Variants in LHPP observed in about 807,000 individuals in gnomAD.
LHPP encodes the protein phospholysine phosphohistidine inorganic pyrophosphate phosphatase.
A neutral mutation model predicts 30.3 loss-of-function variants in LHPP; 24 were observed. That is an observed-to-expected ratio of 0.79 (90% CI 0.57 to 1.11). LHPP has a LOEUF of 1.11. Among genes scored for constraint, LHPP ranks in the 50% most tolerant of loss-of-function variants. The pLI, the probability that LHPP is intolerant of heterozygous loss-of-function variation, is 0.00. For missense variants in LHPP, 356 were observed against 367.2 expected (o/e 0.97, Z 0.25); for synonymous variants, 150 against 157.1 (o/e 0.95, Z 0.34).
chr10:124,606,158 CCGCAGGCGCCT>C (rs1949089927), intron 6 of LHPP, among the ~76,000 whole-genome samples: 1 of 152,180 alleles, frequency 6.6e-6, no homozygotes, highest in African/African-American at 2.4e-5. Context: ...CGCAGCCGCC[CCGCAGGCGCCT>C]GGGGAAATCA....
At chr10:124,524,500 CTCCTGACCTCAAAT>C (rs1954684672) in intron 6 of LHPP, among the ~76,000 whole-genome samples, 1 of 152,186 alleles carries the variant, frequency 6.6e-6, no homozygotes, top group Non-Finnish European at 1.5e-5. Context: ...TGGTCTCAAA[CTCCTGACCTCAAAT>C]GATCCCCCCG....
chr10:124,595,128 A>G (rs974145184), intron 6 of LHPP, among the ~76,000 whole-genome samples: 2 of 152,148 alleles, frequency 1.3e-5, no homozygotes, highest in Non-Finnish European at 2.9e-5. Context: ...AACTCTCCCC[A>G]GGTGACAGCC....
At chr10:124,535,697 G>A (rs1955005717) in intron 6 of LHPP, among the ~76,000 whole-genome samples, 1 of 152,124 alleles carries the variant, frequency 6.6e-6, no homozygotes, top group Non-Finnish European at 1.5e-5. Flanking sequence ...GGCGTGAGCC[G>A]CCATGCCTGG....
At chr10:124,516,454 C>T (rs1005706735) in intron 5 of LHPP, among the ~76,000 whole-genome samples, 1 of 152,194 alleles carries the variant, frequency 6.6e-6, no homozygotes, top group Non-Finnish European at 1.5e-5. Context: ...TCACAGCACC[C>T]CTCCTGTGTC....
rs995155963 is a variant in LHPP, at chr10:124,541,063, A to G, written c.716+23792A>G. Among the ~76,000 whole-genome samples the G allele has an allele frequency of 6.6e-6, 1 of 152,234 alleles. No homozygotes were observed. Among genetic ancestry groups the G allele is most frequent in the African/African-American group, 2.4e-5 (1 of 41,452 alleles). The stretch of plus-strand genomic sequence containing the variant: ...ATTTAACAGCTTTTTTAATGGAGGA[A>G]GGGGCCCCCCAAATCACAAAGTGGC... On this transcript the variant is annotated intron_variant, in intron 6 of 6. Transcript: ENST00000368842. The surrounding 1 kb of genome is among the most constrained non-coding windows in gnomAD (Gnocchi z 4.2).
intron 1 of LHPP, among the ~76,000 whole-genome samples, chr10:124,470,686 A>G (rs80106862): frequency 0.21 from 31,894 of 151,894 alleles, 4,237 homozygotes; most frequent in Middle Eastern, 0.31. Context: ...AACAACAATA[A>G]TAATAATGTA....
chr10:124,551,392 A>G (rs1366342616), intron 6 of LHPP, among the ~76,000 whole-genome samples: 1 of 151,934 alleles, frequency 6.6e-6, no homozygotes, highest in African/African-American at 2.4e-5. Context: ...CGGCCCTCAC[A>G]CTGACCCCAG....
chr10:124,462,107 TC>T (rs1384900358), intron 1 of LHPP, 120 bp downstream of exon 1: 3 of 948,980 alleles, frequency 3.2e-6, no homozygotes, highest in African/African-American at 3.5e-5. Context: ...CGCCTCGGTC[TC>T]CCCCTTCCCA....
intron 6 of LHPP, among the ~76,000 whole-genome samples, chr10:124,549,589 T>C (rs1026235897): frequency 1.3e-5 from 2 of 152,228 alleles, no homozygotes; most frequent in African/African-American, 4.8e-5. Flanking sequence ...ACCTTAACAG[T>C]TCATAGAAGA....
chr10:124,607,581 G>A (rs1322238366), intron 6 of LHPP, among the ~76,000 whole-genome samples: 3 of 152,182 alleles, frequency 2.0e-5, no homozygotes, highest in South Asian at 2.1e-4. Flanking sequence ...ATCTTCTATG[G>A]GGAGACCTCT....
intron 5 of LHPP, among the ~76,000 whole-genome samples, chr10:124,499,027 G>A (rs1397938348): frequency 6.7e-6 from 1 of 149,400 alleles, no homozygotes; most frequent in African/African-American, 2.6e-5. Flanking sequence ...GACTACAGGT[G>A]TGCACCACCA....
At position 124,576,029 on chromosome 10, in the gene LHPP, A is replaced by T. The variant is rs1451311204; in HGVS notation, c.717-37235A>T. On this transcript the variant is annotated intron_variant, in intron 6 of 6. Coordinates refer to ENST00000368842, the MANE Select transcript of LHPP (RefSeq NM_022126.4). The surrounding 1 kb of genome is among the most constrained non-coding windows in gnomAD (Gnocchi z 4.2). ...CATACTAATCAGTGCTTCATGAGAA[A>T]GGTATGAGCCGAAAGAAATGGGGGT... 6.6e-6 allele frequency among the ~76,000 whole-genome samples: 1 copy of T among 152,152 alleles called. No individual in the cohort carries two copies. The highest frequency in any genetic ancestry group is 2.1e-4 in the South Asian group (1 of 4,828).
intron 1 of LHPP, among the ~76,000 whole-genome samples, chr10:124,477,478 G>GC (rs1005260427): frequency 2.0e-5 from 3 of 152,118 alleles, no homozygotes; most frequent in South Asian, 2.1e-4. Flanking sequence ...GGGGAGCGCT[G>GC]CCCCCCAACC....
intron 6 of LHPP, among the ~76,000 whole-genome samples, chr10:124,568,016 G>A (rs1039265846): frequency 1.3e-5 from 2 of 152,160 alleles, no homozygotes; most frequent in African/African-American, 2.4e-5. Flanking sequence ...GGGTTCAAGC[G>A]ATTCTCCTGC....
At chr10:124,498,173 C>G (rs1412072059) in intron 5 of LHPP, 45 bp downstream of exon 5, 1 of 1,568,100 alleles carries the variant, frequency 6.4e-7, no homozygotes, top group South Asian at 1.1e-5. Flanking sequence ...GCAGCCCCGT[C>G]AGGGAGGCCC....
Position 124,488,605 on chromosome 10 carries a change from C to A in LHPP, c.467+30C>A, listed in dbSNP as rs139322604. ...GTTGGCTCCAGGGAGAGTCATTTCT[C>A]GGTGCTTTAGATGATGCTGTGCCAG... On this transcript the variant is annotated intron_variant, in intron 3 of 6. Coordinates refer to ENST00000368842, the MANE Select transcript of LHPP (RefSeq NM_022126.4). 11,058 of 1,587,684 alleles carry A rather than the reference C, an allele frequency of 7.0e-3. 78 individuals are homozygous for A. Among genetic ancestry groups the A allele is most frequent in the South Asian group, 0.018 (1,540 of 87,948 alleles).
chr10:124,505,066 C>G (rs1954025318), intron 5 of LHPP, among the ~76,000 whole-genome samples: 1 of 152,126 alleles, frequency 6.6e-6, no homozygotes, highest in Admixed American at 6.6e-5. Flanking sequence ...TTATTTACCT[C>G]CCACATCATC....
intron 1 of LHPP, among the ~76,000 whole-genome samples, chr10:124,477,395 C>T (rs1369697569): frequency 6.6e-6 from 1 of 152,160 alleles, no homozygotes; most frequent in Non-Finnish European, 1.5e-5. Context: ...CCCTCCAGCA[C>T]ACCAGGTGAT....
intron 6 of LHPP, among the ~76,000 whole-genome samples, chr10:124,558,745 C>A (rs1304387574): frequency 2.6e-5 from 4 of 152,198 alleles, no homozygotes; most frequent in African/African-American, 9.6e-5. Context: ...TTTTGTTTTT[C>A]TTTACAGTCC....
Sources: allele counts gnomAD v4.1 joint callset (sites outside exome capture counted in the v4.1 genomes callset), GRCh38; gene constraint gnomAD v4.1.1; non-coding constraint Gnocchi (gnomAD v3.1); transcripts MANE v1.5; gene names NCBI Gene and HGNC (gene_info 2026-07-23, HGNC 2026-07-21).